The following PPP2R5B variants were observed in gnomAD, a reference collection of about 807,000 sequenced individuals.
PPP2R5B encodes protein phosphatase 2 regulatory subunit B'beta.
PPP2R5B carries 19 observed loss-of-function variants against 59.9 expected under a neutral mutation model. The ratio of observed to expected loss-of-function variants is 0.32; its 90% CI spans 0.22 to 0.47. The LOEUF is 0.47. Among genes scored for constraint, PPP2R5B ranks in the 20% least tolerant of loss-of-function variants. The pLI is 1.00. For missense variants in PPP2R5B, 441 were observed against 640.2 expected (o/e 0.69, Z 3.36); for synonymous variants, 286 against 260.5 (o/e 1.10, Z -0.94).
Position 64,925,852 on chromosome 11 carries a change from C to G in PPP2R5B, c.118C>G (p.Arg40Gly), listed in dbSNP as rs778284880. Residue 40 changes from arginine (R) to glycine (G), a missense_variant, in exon 2 of 14, where the codon CGG becomes GGG. By Grantham distance (125) the Arg-to-Gly change is moderately radical. This residue lies in a region of PPP2R5B where 103 missense variants were observed against 87.9 expected (regional missense o/e 1.17). Coordinates refer to ENST00000164133, the MANE Select transcript of PPP2R5B (RefSeq NM_006244.4). The surrounding 1 kb of genome is among the most constrained non-coding windows in gnomAD (Gnocchi z 4.6). ...CTCCCGCCGTTCCCTCCGCAGAGCC[C>G]GGCCCCGCCGCTCCCACAGCTCCTC... Reference protein sequence around the residue: ...GFSRRSLRRARPRRSHSSSQF... With the variant: ...GFSRRSLRRAGPRRSHSSSQF... 2.5e-6 allele frequency: 4 copies of G among 1,611,214 alleles called. No individual in the cohort carries two copies. The highest frequency in any genetic ancestry group is 1.7e-5 in the Admixed American group (1 of 59,956).
In PPP2R5B at chr11:64,933,740, C is replaced by T. The variant is rs761483935; in HGVS notation, c.1390C>T (p.Leu464=). ...AQERQELWQG[L]EELRLRRLQG... ...GGAGCGTCAGGAGTTATGGCAAGGT[C>T]TGGAGGAGCTGCGGCTACGCCGGCT... Residue 464 remains leucine, a synonymous_variant, in exon 14 of 14, where the codon CTG becomes TTG. Coordinates refer to ENST00000164133, the MANE Select transcript of PPP2R5B (RefSeq NM_006244.4). 16 of 1,557,528 alleles carry T rather than the reference C, an allele frequency of 1.0e-5. No homozygotes were observed. In the East Asian group the frequency reaches 1.7e-4, roughly 16 times the overall value.
Position 64,925,595 on chromosome 11 carries a change from G to A in PPP2R5B, c.-140G>A, listed in dbSNP as rs1017989246. Reference sequence around the variant, plus strand: ...GCAGTTGCAGGAGGCCCTGGGGGGGGGCCCAGGACTGTGGTTGTGCCCCCC... The same window carrying A: ...GCAGTTGCAGGAGGCCCTGGGGGGGAGCCCAGGACTGTGGTTGTGCCCCCC... On this transcript the variant is annotated 5_prime_UTR_variant, in exon 2 of 14. Transcript: ENST00000164133. The surrounding 1 kb of genome is among the most constrained non-coding windows in gnomAD (Gnocchi z 4.6). 23 of 570,586 alleles carry A rather than the reference G, an allele frequency of 4.0e-5. No homozygotes were observed. The highest frequency in any genetic ancestry group is 2.8e-4 in the East Asian group (9 of 31,658). The allele number at this position is 570,586 out of a possible 1,614,324, so 35.3% of individuals were successfully genotyped here. A position where few individuals can be genotyped will look rare whatever the true frequency, so the allele number is the denominator to read the frequency against.
Position 64,925,676 on chromosome 11 carries a change from C to G in PPP2R5B, c.-59C>G. The G allele has an allele frequency of 9.8e-7, 1 of 1,022,176 alleles. No homozygotes were observed. Among genetic ancestry groups the G allele is most frequent in the Non-Finnish European group, 1.5e-6 (1 of 673,762 alleles). 63.3% of individuals were successfully genotyped at this position (1,022,176 alleles called of 1,614,324 possible). ...TAGTCTGTCCAGTCTCACCCAGCAC[C>G]TCCCAGGCCCAGAGAGAACCCCCGG... On this transcript the variant is annotated 5_prime_UTR_variant, in exon 2 of 14. Coordinates refer to ENST00000164133, the MANE Select transcript of PPP2R5B (RefSeq NM_006244.4). This position sits in a 1 kb window ranked among gnomAD's most constrained non-coding sequence, Gnocchi z 4.6.
chr11:64,930,409 C>G (rs766739352), intron 7 of PPP2R5B, 28 bp downstream of exon 7: 2 of 1,613,830 alleles, frequency 1.2e-6, no homozygotes, highest in Middle Eastern at 1.6e-4. Context: ...TCAGCTGGAG[C>G]TCAGGATTCT....
intron 3 of PPP2R5B, 185 bp from the exon 4 acceptor site, chr11:64,927,617 C>T (rs890184462): frequency 2.2e-5 from 13 of 584,998 alleles, no homozygotes; most frequent in Admixed American, 2.1e-4. Context: ...GTGGGAGGAT[C>T]GCTTGAGCCT....
In PPP2R5B at chr11:64,925,798, G is replaced by A. The variant is rs748653089; in HGVS notation, c.64G>A (p.Val22Met). ...TSPSSPGLSP[V>M]PPPDKVDGFS... Reference sequence around the variant, plus strand: ...CCCCTCCTCCCCCGGGCTGTCGCCTGTGCCCCCACCCGACAAGGTGGACGG... The same window carrying A: ...CCCCTCCTCCCCCGGGCTGTCGCCTATGCCCCCACCCGACAAGGTGGACGG... Residue 22 changes from valine to methionine, a missense_variant, in exon 2 of 14, where the codon GTG becomes ATG. Physicochemically the swap from Val to Met is conservative, Grantham distance 21. Coordinates refer to ENST00000164133, the MANE Select transcript of PPP2R5B (RefSeq NM_006244.4). This position sits in a 1 kb window ranked among gnomAD's most constrained non-coding sequence, Gnocchi z 4.6. 2.5e-6 allele frequency: 4 copies of A among 1,590,104 alleles called. No homozygotes were observed. The highest frequency in any genetic ancestry group is 3.4e-6 in the Non-Finnish European group (4 of 1,167,136).
chr11:64,927,139 C>A (rs992868401), intron 3 of PPP2R5B, among the ~76,000 whole-genome samples: 21 of 152,206 alleles, frequency 1.4e-4, no homozygotes, highest in Non-Finnish European at 1.5e-5. Flanking sequence ...TGCCCTGCCC[C>A]ACACCCCATA....
chr11:64,918,084 A>G (rs763824469), intron 1 of PPP2R5B, among the ~76,000 whole-genome samples: 107 of 152,342 alleles, frequency 7.0e-4, no homozygotes, highest in Non-Finnish European at 9.1e-4. Context: ...TGAACTTTTC[A>G]TGGCATGTGA....
chr11:64,927,343 C>T (rs1159468819), intron 3 of PPP2R5B, among the ~76,000 whole-genome samples: 1 of 152,210 alleles, frequency 6.6e-6, no homozygotes, highest in Non-Finnish European at 1.5e-5. Flanking sequence ...AGGGCTTGCA[C>T]GAACTAGGCG....
chr11:64,931,588 A>T lies in PPP2R5B; in HGVS notation c.975A>T (p.Pro325=). The T allele has an allele frequency of 6.2e-7, 1 of 1,613,906 alleles. No individual in the cohort carries two copies. The highest frequency in any genetic ancestry group is 8.5e-7 in the Non-Finnish European group (1 of 1,179,994). ...TCCGGGGGCTGCTCAAATACTGGCCAAAAACCTGCACCCAGAAGGAGGTAT... is the reference window on the plus strand; with the variant it reads ...TCCGGGGGCTGCTCAAATACTGGCCTAAAACCTGCACCCAGAAGGAGGTAT... ...HVIRGLLKYW[P]KTCTQKEVMF... is the part of the protein sequence containing the mutation. Residue 325 remains proline, a synonymous_variant, in exon 10 of 14, where the codon CCA becomes CCT. Coordinates refer to ENST00000164133, the MANE Select transcript of PPP2R5B (RefSeq NM_006244.4). The surrounding 1 kb of genome is among the most constrained non-coding windows in gnomAD (Gnocchi z 5.0).
At chr11:64,929,071 C>T (rs1446344929) in intron 6 of PPP2R5B, among the ~76,000 whole-genome samples, 7 of 152,074 alleles carry the variant, frequency 4.6e-5, no homozygotes, top group Non-Finnish European at 1.0e-4. Flanking sequence ...TTCTCAGTAA[C>T]GTATTACATA....
Position 64,926,810 on chromosome 11 carries a change from A to G in PPP2R5B, c.298A>G (p.Lys100Glu). 1.2e-6 allele frequency: 2 copies of G among 1,614,022 alleles called. No homozygotes were observed. Among genetic ancestry groups the G allele is most frequent in the Non-Finnish European group, 1.7e-6 (2 of 1,179,980 alleles). ...FLDCVADLKGKEVKRAALNEL... is the reference protein window; with the variant it reads ...FLDCVADLKGEEVKRAALNEL... The stretch of plus-strand genomic sequence containing the variant: ...GGACTGTGTGGCCGACCTCAAGGGG[A>G]AGGAGGTGAAGCGGGCAGCCCTCAA... The change falls in exon 3 of 14, where the codon AAG becomes GAG. Residue 100 changes from lysine (K) to glutamate (E), a missense_variant. By Grantham distance (56) the Lys-to-Glu change is moderately conservative. Transcript: ENST00000164133.
rs758305293 is a variant in PPP2R5B, at chr11:64,931,427, C to T, written c.892-9C>T. 5.0e-6 allele frequency: 8 copies of T among 1,613,896 alleles called. No individual in the cohort carries two copies. In the African/African-American group the frequency reaches 6.7e-5, roughly 13 times the overall value. ...TGTCTTCCTTCCCTCCACCTGTCACCCCCTGCAGCTGGCATACTGTGTGGT... is the reference window on the plus strand; with the variant it reads ...TGTCTTCCTTCCCTCCACCTGTCACTCCCTGCAGCTGGCATACTGTGTGGT... On this transcript the variant is annotated splice_polypyrimidine_tract_variant and intron_variant, in intron 8 of 13. Transcript: ENST00000164133. This position sits in a 1 kb window ranked among gnomAD's most constrained non-coding sequence, Gnocchi z 5.0.
In PPP2R5B at chr11:64,934,236, T is replaced by A. The variant is rs1945262825; in HGVS notation, c.*392T>A. ...GTCCTTCCTTATCCCCACCATGGGG[T>A]CCATGGTCTATTTATTCTCGCCCAG... On this transcript the variant is annotated 3_prime_UTR_variant, in exon 14 of 14. Transcript: ENST00000164133. 4.5e-6 allele frequency: 1 copy of A among 224,378 alleles called. No homozygotes were observed. The allele number at this position is 224,378 out of a possible 1,614,324, so 13.9% of individuals were successfully genotyped here.
rs1313322634 is a variant in PPP2R5B, at chr11:64,933,725, G to A, written c.1375G>A (p.Glu459Lys). 2 of 1,557,726 alleles carry A rather than the reference G, an allele frequency of 1.3e-6. No individual in the cohort carries two copies. Among genetic ancestry groups the A allele is most frequent in the Non-Finnish European group, 1.7e-6 (2 of 1,150,370 alleles). Residue 459 changes from glutamate (E) to lysine (K), a missense_variant, in exon 14 of 14, where the codon GAG becomes AAG. By Grantham distance (56) the Glu-to-Lys change is moderately conservative. Coordinates refer to ENST00000164133, the MANE Select transcript of PPP2R5B (RefSeq NM_006244.4). ...QEQQKAQERQ[E>K]LWQGLEELRL... ...GCAGCAGAAGGCCCAGGAGCGTCAGGAGTTATGGCAAGGTCTGGAGGAGCT... is the reference window on the plus strand; with the variant it reads ...GCAGCAGAAGGCCCAGGAGCGTCAGAAGTTATGGCAAGGTCTGGAGGAGCT...
rs765412987 is a variant in PPP2R5B at position 64,926,885 on chromosome 11, G to A, written c.373G>A (p.Val125Ile). 18 of 1,613,998 alleles carry A rather than the reference G, an allele frequency of 1.1e-5. No homozygotes were observed. Among genetic ancestry groups the A allele is most frequent in the East Asian group, 2.2e-5 (1 of 44,896 alleles). The change falls in exon 3 of 14, where the codon GTC becomes ATC. Residue 125 changes from valine to isoleucine, a missense_variant. Coordinates refer to ENST00000164133, the MANE Select transcript of PPP2R5B (RefSeq NM_006244.4). ...CACCCGGGGTGTCCTCATCGAGCCC[G>A]TCTACCCAGACATCATCCGCATGGT... Reference protein sequence around the residue: ...GSTRGVLIEPVYPDIIRMISV... With the variant: ...GSTRGVLIEPIYPDIIRMISV...
At position 64,933,707 on chromosome 11, in the gene PPP2R5B, A is replaced by G; in HGVS notation, c.1357A>G (p.Lys453Glu). The change falls in exon 14 of 14, where the codon AAG becomes GAG. Residue 453 changes from lysine to glutamate, a missense_variant. Coordinates refer to ENST00000164133, the MANE Select transcript of PPP2R5B (RefSeq NM_006244.4). The stretch of plus-strand genomic sequence containing the variant: ...ACCCTCTCTCCCCAGGGAGCAGCAG[A>G]AGGCCCAGGAGCGTCAGGAGTTATG... The part of the protein sequence containing the change: ...YKLEKQQEQQ[K>E]AQERQELWQG... 1 of 1,554,936 alleles carries G rather than the reference A, an allele frequency of 6.4e-7. No homozygotes were observed. Among genetic ancestry groups the G allele is most frequent in the Non-Finnish European group, 8.7e-7 (1 of 1,148,804 alleles).
At chr11:64,923,223 C>A (rs1455740792), upstream of PPP2R5B, 1 of 152,448 alleles carries the variant, frequency 6.6e-6, no homozygotes, top group Non-Finnish European at 1.5e-5. Flanking sequence ...TGGGCTGTAG[C>A]CAGCTGGGAG....
chr11:64,933,590 A>G, intron 13 of PPP2R5B, 107 bp from the exon 14 acceptor site: 1 of 1,383,618 alleles, frequency 7.2e-7, no homozygotes, highest in Non-Finnish European at 9.6e-7. Flanking sequence ...AAATGGTTCC[A>G]TGCCTTCCCT....
Sources: gnomAD v4.1 joint callset for allele counts (sites outside exome capture counted in the v4.1 genomes callset) on GRCh38, gnomAD v4.1.1 for gene constraint, gnomAD v4.1.1 regional missense constraint, Gnocchi (gnomAD v3.1) non-coding constraint, MANE v1.5 for transcripts, NCBI Gene and HGNC (gene_info 2026-07-23, HGNC 2026-07-21) for gene names.